CMSS1: variants seen among roughly 807,000 people sequenced by gnomAD.
CMSS1 encodes cms1 ribosomal small subunit homolog, also known as protein CMSS1.
CMSS1 carries 33 observed loss-of-function variants against 43.5 expected under a neutral mutation model. That is an observed-to-expected ratio of 0.76 (90% confidence interval 0.57 to 1.01). CMSS1 has a LOEUF of 1.01. Ranked by LOEUF, CMSS1 falls within the 50% of genes least tolerant of loss-of-function variation. CMSS1 has a pLI of 0.00. For synonymous variants in CMSS1, 115 were observed against 117.2 expected, an observed-to-expected ratio of 0.98 and a Z score of 0.12; for missense variants, 313 against 326.4, an observed-to-expected ratio of 0.96 and a Z score of 0.32.
intron 1 of CMSS1, among the ~76,000 whole-genome samples, chr3:100,056,111 C>T (rs1259032266): frequency 6.6e-6 from 1 of 152,000 alleles, no homozygotes; most frequent in Non-Finnish European, 1.5e-5. Flanking sequence ...TAAGCTGGGG[C>T]CTGAAGGGAA....
intron 1 of CMSS1, among the ~76,000 whole-genome samples, chr3:99,835,633 T>C (rs1016889491): frequency 5.3e-5 from 8 of 152,224 alleles, no homozygotes; most frequent in African/African-American, 1.7e-4. Context: ...TGCAAAGTCA[T>C]ATGTGATTCT....
At chr3:99,969,681 G>C (rs1708757840) in intron 1 of CMSS1, among the ~76,000 whole-genome samples, 1 of 152,176 alleles carries the variant, frequency 6.6e-6, no homozygotes, top group Non-Finnish European at 1.5e-5. Context: ...ATCAGAGATT[G>C]TGGTCATCTT....
chr3:100,049,001 T>C (rs1351789276), intron 1 of CMSS1, among the ~76,000 whole-genome samples: 2 of 152,210 alleles, frequency 1.3e-5, no homozygotes, highest in African/African-American at 4.8e-5. Context: ...GATTACATCT[T>C]ATATGAATAA....
At chr3:100,042,874 G>C (rs2107295838) in intron 1 of CMSS1, among the ~76,000 whole-genome samples, 1 of 152,322 alleles carries the variant, frequency 6.6e-6, no homozygotes, top group East Asian at 1.9e-4. Context: ...GAGAGGAATA[G>C]AGCCAAAGTT....
rs138828107 is a variant in CMSS1 at position 100,027,113 on chromosome 3, C to T, written c.65-119860C>T. ...TTCTCAGTGAAACCTGCCTTGGACACGCTATCTAAACTTACACACATGAAT... is the reference window on the plus strand; with the variant it reads ...TTCTCAGTGAAACCTGCCTTGGACATGCTATCTAAACTTACACACATGAAT... On this transcript the variant is annotated intron_variant, in intron 1 of 9. Transcript: ENST00000421999. Among the ~76,000 whole-genome samples, 668 of 152,238 alleles carry T rather than the reference C, an allele frequency of 4.4e-3. 7 individuals are homozygous for T. The highest frequency in any genetic ancestry group is 0.016 in the African/African-American group (655 of 41,550).
chr3:100,172,418 C>G lies in CMSS1; in HGVS notation c.667+15C>G. On this transcript the variant is annotated intron_variant, in intron 8 of 9. Transcript: ENST00000421999. ...TGTTAAACAAGGTATGACAAGAGGGCAGTGATACTCTTGCCCAGGGCTGGG... is the reference window on the plus strand; with the variant it reads ...TGTTAAACAAGGTATGACAAGAGGGGAGTGATACTCTTGCCCAGGGCTGGG... 1 of 1,587,328 alleles carries G rather than the reference C, an allele frequency of 6.3e-7. No homozygotes were observed. Among genetic ancestry groups the G allele is most frequent in the Non-Finnish European group, 8.6e-7 (1 of 1,156,124 alleles).
At chr3:100,086,422 A>G (rs944003682) in intron 1 of CMSS1, among the ~76,000 whole-genome samples, 6 of 147,134 alleles carry the variant, frequency 4.1e-5, no homozygotes, top group South Asian at 4.2e-4. Flanking sequence ...ATAAAGGGGG[A>G]AAAAAAATCC....
chr3:99,864,917 C>A (rs1465416790), intron 1 of CMSS1, among the ~76,000 whole-genome samples: 1 of 152,136 alleles, frequency 6.6e-6, no homozygotes, highest in Non-Finnish European at 1.5e-5. Context: ...TATGTGCGCA[C>A]ACACGCATCT....
intron 1 of CMSS1, among the ~76,000 whole-genome samples, chr3:100,112,171 C>G (rs567264400): frequency 2.0e-5 from 3 of 152,252 alleles, no homozygotes; most frequent in South Asian, 2.1e-4. Flanking sequence ...TAGTTCTACT[C>G]TAAGGAAAAT....
At chr3:100,096,493 G>A (rs1048189015) in intron 1 of CMSS1, among the ~76,000 whole-genome samples, 2 of 152,182 alleles carry the variant, frequency 1.3e-5, no homozygotes, top group African/African-American at 4.8e-5. Flanking sequence ...ATTATGTTAA[G>A]TGAAATAAGC....
At chr3:100,135,743 A>G (rs2066748190) in intron 1 of CMSS1, among the ~76,000 whole-genome samples, 1 of 152,146 alleles carries the variant, frequency 6.6e-6, no homozygotes, top group Admixed American at 6.5e-5. Flanking sequence ...ACTTGCAGCT[A>G]GTGACAGAAA....
At chr3:99,940,920 G>T (rs1480176705) in intron 1 of CMSS1, among the ~76,000 whole-genome samples, 2 of 152,198 alleles carry the variant, frequency 1.3e-5, no homozygotes, top group Non-Finnish European at 2.9e-5. Flanking sequence ...ATAGAGATGG[G>T]TTGTTGTAGA....
intron 1 of CMSS1, among the ~76,000 whole-genome samples, chr3:99,928,021 A>G (rs780914985): frequency 1.3e-5 from 2 of 152,228 alleles, no homozygotes; most frequent in Non-Finnish European, 2.9e-5. Flanking sequence ...AGGTTTTTCA[A>G]AAAGAACATT....
chr3:99,910,052 G>A lies in CMSS1; in HGVS notation c.64+92009G>A, dbSNP rs188101012. 1.6e-3 allele frequency among the ~76,000 whole-genome samples: 214 copies of A among 135,872 alleles called. 21 individuals carry two copies. The highest frequency in any genetic ancestry group is 5.0e-3 in the African/African-American group (200 of 39,948). The allele number at this position is 135,872 out of a possible 152,430, so 89.1% of individuals were successfully genotyped here. On this transcript the variant is annotated intron_variant, in intron 1 of 9. Transcript: ENST00000421999. Reference sequence around the variant, plus strand: ...CTTAACAGTGAAGGGCTTCAGTGTGGGGTCAGCTCACCCTCATTGCACTTT... The same window carrying A: ...CTTAACAGTGAAGGGCTTCAGTGTGAGGTCAGCTCACCCTCATTGCACTTT...
chr3:99,976,832 A>G (rs1262809050), intron 1 of CMSS1, among the ~76,000 whole-genome samples: 2 of 151,956 alleles, frequency 1.3e-5, no homozygotes, highest in Non-Finnish European at 2.9e-5. Flanking sequence ...CTCTTCAAAT[A>G]TTTCTTCTGT....
intron 1 of CMSS1, among the ~76,000 whole-genome samples, chr3:99,824,030 C>A (rs1249051628): frequency 6.6e-6 from 1 of 151,476 alleles, no homozygotes; most frequent in East Asian, 1.9e-4. Flanking sequence ...TCAAATGATT[C>A]TCCTGTCTCA....
At chr3:99,879,991 T>C (rs926359692) in intron 1 of CMSS1, among the ~76,000 whole-genome samples, 1 of 152,148 alleles carries the variant, frequency 6.6e-6, no homozygotes, top group Non-Finnish European at 1.5e-5. Context: ...TCTACCACCT[T>C]ACCCACAGCC....
chr3:99,971,804 G>A (rs761023802), intron 1 of CMSS1, among the ~76,000 whole-genome samples: 3 of 152,118 alleles, frequency 2.0e-5, no homozygotes, highest in African/African-American at 4.8e-5. Context: ...GAACAGAGTC[G>A]GTTCCTAGCT....
intron 1 of CMSS1, among the ~76,000 whole-genome samples, chr3:99,872,898 G>A (rs75852265): frequency 0.012 from 1,873 of 152,014 alleles, 25 homozygotes; most frequent in Non-Finnish European, 0.016. Flanking sequence ...GCAGATGAAG[G>A]TCAAGGAGAA....
Sources: allele counts gnomAD v4.1 joint callset (sites outside exome capture counted in the v4.1 genomes callset), GRCh38; gene constraint gnomAD v4.1.1; transcripts MANE v1.5; gene names NCBI Gene and HGNC (gene_info 2026-07-23, HGNC 2026-07-21).